Variants in TMEM132D observed in about 807,000 individuals in gnomAD.
TMEM132D encodes transmembrane protein 132D.
In TMEM132D, 21 loss-of-function variants were observed where a neutral mutation model predicts 62.3. The ratio of observed to expected loss-of-function variants is 0.34; its 90% CI spans 0.24 to 0.49. The LOEUF (loss-of-function observed/expected upper bound fraction) is 0.49, where lower values mean the gene tolerates loss of function less well. Ranked by LOEUF, TMEM132D falls within the 20% of genes least tolerant of loss-of-function variation. TMEM132D has a pLI of 0.99. For missense variants in TMEM132D, 1,346 were observed against 1,402.8 expected, an observed-to-expected ratio of 0.96 and a Z score of 0.65; for synonymous variants, 621 against 575.6, an observed-to-expected ratio of 1.08 and a Z score of -1.13.
Position 129,867,422 on chromosome 12 carries a change from T to C in TMEM132D, c.79+35839A>G, listed in dbSNP as rs1874093142. Reference sequence around the variant, plus strand: ...AACTCAGAGGAGCAGAGTAAAATGGTAGTTGCCAGGGCTCAGCAACACTGG... The same window carrying C: ...AACTCAGAGGAGCAGAGTAAAATGGCAGTTGCCAGGGCTCAGCAACACTGG... On this transcript the variant is annotated intron_variant, in intron 1 of 8. Coordinates refer to ENST00000422113, the MANE Select transcript of TMEM132D (RefSeq NM_133448.3). This position sits in a 1 kb window ranked among gnomAD's most constrained non-coding sequence, Gnocchi z 4.5. Among the ~76,000 whole-genome samples the C allele has an allele frequency of 6.6e-6, 1 of 152,162 alleles. No homozygotes were observed. Among genetic ancestry groups the C allele is most frequent in the Non-Finnish European group, 1.5e-5 (1 of 68,034 alleles).
intron 4 of TMEM132D, 79 bp downstream of exon 4, chr12:129,337,555 A>G: frequency 3.2e-6 from 5 of 1,547,568 alleles, no homozygotes; most frequent in Non-Finnish European, 4.4e-6. Flanking sequence ...TTCCCCACCC[A>G]GCCTGGGACT....
intron 3 of TMEM132D, among the ~76,000 whole-genome samples, chr12:129,511,283 A>G (rs1875489710): frequency 6.6e-6 from 1 of 152,214 alleles, no homozygotes; most frequent in Non-Finnish European, 1.5e-5. Flanking sequence ...GGAACAGTAC[A>G]GTACATTATC....
chr12:129,852,549 A>T (rs1250503785), intron 1 of TMEM132D: 1 of 152,182 alleles, frequency 6.6e-6, no homozygotes, highest in Non-Finnish European at 1.5e-5. Context: ...GTCTAAAAAT[A>T]AAAAAATAAA....
At chr12:129,090,134 G>T (rs1874860524) in intron 5 of TMEM132D, among the ~76,000 whole-genome samples, 1 of 152,162 alleles carries the variant, frequency 6.6e-6, no homozygotes, top group Admixed American at 6.5e-5. Flanking sequence ...AGAAACGTGG[G>T]CCCAGGTCCG....
intron 1 of TMEM132D, among the ~76,000 whole-genome samples, chr12:129,796,047 A>G (rs895778816): frequency 5.9e-5 from 9 of 152,166 alleles, no homozygotes; most frequent in African/African-American, 2.2e-4. Context: ...TTTAAAAATT[A>G]AAGAGGGCCA....
chr12:129,131,860 G>A (rs1038273758), intron 5 of TMEM132D, among the ~76,000 whole-genome samples: 4 of 152,134 alleles, frequency 2.6e-5, no homozygotes, highest in African/African-American at 9.7e-5. Context: ...TGCTCTTGGA[G>A]ACATTAATTG....
intron 3 of TMEM132D, among the ~76,000 whole-genome samples, chr12:129,518,858 C>T (rs1875760438): frequency 1.3e-5 from 2 of 151,914 alleles, no homozygotes; most frequent in Admixed American, 6.6e-5. Flanking sequence ...TATAATACTC[C>T]TGATTATTTA....
intron 1 of TMEM132D, among the ~76,000 whole-genome samples, chr12:129,812,329 C>T (rs914572212): frequency 9.2e-5 from 14 of 151,718 alleles, no homozygotes; most frequent in Middle Eastern, 3.2e-3. Context: ...CCACGTGTAA[C>T]ATCATGTTTG....
At chr12:129,558,269 T>A (rs1221703389) in intron 2 of TMEM132D, among the ~76,000 whole-genome samples, 5 of 152,174 alleles carry the variant, frequency 3.3e-5, no homozygotes, top group Admixed American at 6.5e-5. Context: ...GAAATGCTTC[T>A]ACATGGAAGT....
intron 2 of TMEM132D, among the ~76,000 whole-genome samples, chr12:129,605,547 C>A (rs1264908803): frequency 1.4e-5 from 2 of 144,356 alleles, no homozygotes; most frequent in Non-Finnish European, 3.0e-5. Context: ...TGATCTTATG[C>A]CCCACAAGCA....
At chr12:129,287,792 G>C (rs1447719366) in intron 4 of TMEM132D, among the ~76,000 whole-genome samples, 1 of 152,114 alleles carries the variant, frequency 6.6e-6, no homozygotes, top group African/African-American at 2.4e-5. Context: ...AGCACCATTT[G>C]GTGAAGAGAC....
At chr12:129,170,885 G>C (rs1877705741) in intron 5 of TMEM132D, among the ~76,000 whole-genome samples, 1 of 152,168 alleles carries the variant, frequency 6.6e-6, no homozygotes, top group Non-Finnish European at 1.5e-5. Context: ...TGCTGGTGGA[G>C]GGTCTTGCCT....
chr12:129,820,990 G>A (rs560092049), intron 1 of TMEM132D, among the ~76,000 whole-genome samples: 28 of 152,138 alleles, frequency 1.8e-4, no homozygotes, highest in Admixed American at 3.9e-4. Context: ...CAGCCTCTCT[G>A]GCCTGCTTCT....
At chr12:129,690,743 A>AT (rs1881043776) in intron 2 of TMEM132D, among the ~76,000 whole-genome samples, 1 of 152,194 alleles carries the variant, frequency 6.6e-6, no homozygotes, top group Non-Finnish European at 1.5e-5. Flanking sequence ...TCCCCCTATT[A>AT]TAGTTGGGAA....
chr12:129,193,475 G>A (rs375337554), intron 5 of TMEM132D, among the ~76,000 whole-genome samples: 1 of 152,190 alleles, frequency 6.6e-6, no homozygotes, highest in Non-Finnish European at 1.5e-5. Context: ...CCACCAGGTG[G>A]CACCATTACA....
intron 8 of TMEM132D, among the ~76,000 whole-genome samples, chr12:129,077,355 TC>T (rs1484963762): frequency 6.6e-6 from 1 of 152,212 alleles, no homozygotes; most frequent in Admixed American, 6.5e-5. Context: ...ATGAGGATGA[TC>T]CCTTTTCATG....
intron 1 of TMEM132D, among the ~76,000 whole-genome samples, chr12:129,902,384 G>A (rs1875389514): frequency 6.6e-6 from 1 of 152,180 alleles, no homozygotes; most frequent in Non-Finnish European, 1.5e-5. Context: ...AAAGGGGCAC[G>A]GGTGGGGGAA....
chr12:129,219,344 A>C (rs1017611659), intron 4 of TMEM132D, among the ~76,000 whole-genome samples: 1 of 152,180 alleles, frequency 6.6e-6, no homozygotes, highest in African/African-American at 2.4e-5. Flanking sequence ...TTCCCCAGCC[A>C]TGTGGAACTG....
intron 4 of TMEM132D, among the ~76,000 whole-genome samples, chr12:129,320,541 A>C (rs1443752985): frequency 2.0e-5 from 3 of 152,222 alleles, no homozygotes; most frequent in Non-Finnish European, 2.9e-5. Flanking sequence ...CTGGAAATGT[A>C]GGCAGGGGTT....
Sources: gnomAD v4.1 joint callset for allele counts (sites outside exome capture counted in the v4.1 genomes callset) on GRCh38, gnomAD v4.1.1 for gene constraint, Gnocchi (gnomAD v3.1) non-coding constraint, MANE v1.5 for transcripts, NCBI Gene and HGNC (gene_info 2026-07-23, HGNC 2026-07-21) for gene names.